ANAPC5: variants seen among roughly 807,000 people sequenced by gnomAD.
ANAPC5 encodes the protein anaphase-promoting complex subunit 5.
In ANAPC5, 60 loss-of-function variants were observed where a neutral mutation model predicts 91.3. The ratio of observed to expected loss-of-function variants is 0.66; its 90% CI spans 0.53 to 0.81. The LOEUF (loss-of-function observed/expected upper bound fraction) is 0.81. Among genes scored for constraint, ANAPC5 ranks in the 40% least tolerant of loss-of-function variants. The probability of loss-of-function intolerance (pLI) is 0.00; values close to 1 mark genes in which losing one functional copy is unlikely to be tolerated. For synonymous variants in ANAPC5, 340 were observed against 364.1 expected (o/e 0.93, Z 0.75); for missense variants, 690 against 931.5 (o/e 0.74, Z 3.37).
intron 6 of ANAPC5, 119 bp downstream of exon 6, chr12:121,337,172 C>G (rs1411488786): frequency 2.8e-6 from 2 of 723,322 alleles, no homozygotes; most frequent in Non-Finnish European, 4.7e-6. Context: ...GAGCCAAGGT[C>G]GTGCCACTGC....
At chr12:121,330,425 G>T (rs1259364771) in intron 9 of ANAPC5, among the ~76,000 whole-genome samples, 158 bp downstream of exon 9, 1 of 152,204 alleles carries the variant, frequency 6.6e-6, no homozygotes, top group African/African-American at 2.4e-5. Flanking sequence ...GAATTTAGTG[G>T]TCTGATTAAT....
rs183687286 is a variant in ANAPC5, at chr12:121,345,921, C to G, written c.508G>C (p.Val170Leu). 1.5e-5 allele frequency: 25 copies of G among 1,614,176 alleles called. No homozygotes were observed. The Middle Eastern group carries it at 4.9e-4, about 32-fold the overall frequency. The change falls in exon 4 of 17, where the codon GTG becomes CTG. Residue 170 changes from valine (V) to leucine (L), a missense_variant. Coordinates refer to ENST00000261819, the MANE Select transcript of ANAPC5 (RefSeq NM_016237.5). ...QYFQNGEKKT[V>L]EDADMELTSR... ...GTCAGTTCCATATCAGCATCCTCCA[C>G]TGTCTTTTTCTCACCATTCTGGAAG...
At chr12:121,316,335 A>G (rs546532494) in intron 15 of ANAPC5, among the ~76,000 whole-genome samples, 21 of 152,326 alleles carry the variant, frequency 1.4e-4, no homozygotes, top group African/African-American at 4.8e-4. Context: ...ACCCTCATAC[A>G]TTGCAGGTTG....
In ANAPC5 at chr12:121,327,132, G is replaced by A. The variant is rs114730469; in HGVS notation, c.1404C>T (p.Val468=). The A allele has an allele frequency of 7.3e-4, 1,180 of 1,611,310 alleles. No individual in the cohort carries two copies. Among genetic ancestry groups the A allele is most frequent in the Non-Finnish European group, 9.6e-4 (1,135 of 1,179,246 alleles). ...GTAGCTCTGCGAGGTGGCAGAGTGC[G>A]ACAGCAAAGGACTCTGTGTTGTTCT... is the stretch of plus-strand genomic sequence containing the variant. ...VQQNNTESFA[V]ALCHLAELHA... The change falls in exon 11 of 17, where the codon GTC becomes GTT. Residue 468 remains valine (V), a synonymous_variant. Coordinates refer to ENST00000261819, the MANE Select transcript of ANAPC5 (RefSeq NM_016237.5).
Position 121,336,682 on chromosome 12 carries a change from A to AAAAC in ANAPC5, c.759+605_759+608dup, listed in dbSNP as rs531759613. 2.4e-4 allele frequency among the ~76,000 whole-genome samples: 37 copies of AAAAC among 152,334 alleles called. No homozygotes were observed. In the South Asian group the frequency reaches 3.3e-3, roughly 14 times the overall value. ...GCAACAAGAGCGAAACTCAGTCTCCAAAACAAACAAACAAACACTGTTTTT... is the reference window on the plus strand; with the variant it reads ...GCAACAAGAGCGAAACTCAGTCTCCAAAACAAACAAACAAACAAACACTGTTTTT... On this transcript the variant is annotated intron_variant, in intron 6 of 16. Coordinates refer to ENST00000261819, the MANE Select transcript of ANAPC5 (RefSeq NM_016237.5).
chr12:121,340,183 T>A (rs1219026839), intron 5 of ANAPC5, among the ~76,000 whole-genome samples: 2 of 151,242 alleles, frequency 1.3e-5, no homozygotes, highest in African/African-American at 4.8e-5. Context: ...GCAGCTGTGG[T>A]GGCAGGCACC....
chr12:121,336,078 T>G (rs1443761810), intron 6 of ANAPC5, among the ~76,000 whole-genome samples: 1 of 152,190 alleles, frequency 6.6e-6, no homozygotes, highest in Non-Finnish European at 1.5e-5. Flanking sequence ...TCCTAAAACC[T>G]GAATTCATAT....
intron 4 of ANAPC5, among the ~76,000 whole-genome samples, chr12:121,344,613 T>C (rs933553055): frequency 2.7e-5 from 4 of 148,466 alleles, no homozygotes; most frequent in Non-Finnish European, 4.5e-5. Context: ...AAAAAGAAAG[T>C]ATTTGGGATA....
chr12:121,308,536 G>T lies in ANAPC5; in HGVS notation c.2212C>A (p.Arg738=), dbSNP rs758423114. 2.5e-6 allele frequency: 4 copies of T among 1,613,988 alleles called. No individual in the cohort carries two copies. The East Asian group carries it at 8.9e-5, about 36-fold the overall frequency. The change falls in exon 17 of 17, where the codon CGG becomes AGG. Residue 738 remains arginine, a synonymous_variant. Coordinates refer to ENST00000261819, the MANE Select transcript of ANAPC5 (RefSeq NM_016237.5). ...QERNRCAMLF[R]QLHQELPSHG... is the part of the protein sequence containing the mutation. ...GAGGGCAGCTCCTGATGCAGCTGCC[G>T]GAAGAGCATCGCACACCGGTTCCTC...
At chr12:121,341,938 T>A in intron 5 of ANAPC5, 65 bp downstream of exon 5, 1 of 1,303,456 alleles carries the variant, frequency 7.7e-7, no homozygotes, top group South Asian at 1.3e-5. Context: ...ACAACACACA[T>A]CACAGGACTA....
At chr12:121,324,577 C>T (rs942763446) in intron 11 of ANAPC5, among the ~76,000 whole-genome samples, 2 of 152,116 alleles carry the variant, frequency 1.3e-5, no homozygotes, top group African/African-American at 4.8e-5. Flanking sequence ...AACAAATGGC[C>T]TTGAACAAAG....
At chr12:121,323,718 C>T (rs75189734) in intron 11 of ANAPC5, among the ~76,000 whole-genome samples, 2,573 of 152,214 alleles carry the variant, frequency 0.017, 32 homozygotes, top group Non-Finnish European at 0.024. Flanking sequence ...TCTACATAGA[C>T]GCTCAGGCCA....
Position 121,336,230 on chromosome 12 carries a change from T to C in ANAPC5, c.760-507A>G, listed in dbSNP as rs112857720. On this transcript the variant is annotated intron_variant, in intron 6 of 16. Coordinates refer to ENST00000261819, the MANE Select transcript of ANAPC5 (RefSeq NM_016237.5). ...AGATCTCAGTTACTAGGAAGCAAAA[T>C]AGATATATTTCTGCACCCAAAGTCA... Among the ~76,000 whole-genome samples, 18 of 151,984 alleles carry C rather than the reference T, an allele frequency of 1.2e-4. 1 individual carries two copies. The highest frequency in any genetic ancestry group is 1.6e-4 in the Non-Finnish European group (11 of 67,970).
intron 2 of ANAPC5, chr12:121,347,389 C>T (rs1259549305): frequency 2.4e-5 from 6 of 248,792 alleles, no homozygotes; most frequent in Middle Eastern, 1.4e-3. Flanking sequence ...CAGCACTTTG[C>T]GAGGTGGAAG....
intron 7 of ANAPC5, chr12:121,332,156 T>A (rs1458491596): frequency 1.3e-5 from 2 of 152,192 alleles, no homozygotes; most frequent in African/African-American, 4.8e-5. Context: ...GGAGATAAAG[T>A]CTCACTGTGT....
chr12:121,341,259 C>T (rs950008890), intron 5 of ANAPC5, among the ~76,000 whole-genome samples: 1 of 152,128 alleles, frequency 6.6e-6, no homozygotes. Context: ...CACCTTAGAT[C>T]GAGAGTTCAA....
intron 11 of ANAPC5, chr12:121,320,660 T>A: frequency 5.3e-6 from 2 of 379,572 alleles, no homozygotes; most frequent in Non-Finnish European, 9.6e-6. Context: ...TGGAGTGCAG[T>A]GGCGCGATCT....
chr12:121,350,408 G>A (rs898115292), intron 1 of ANAPC5, among the ~76,000 whole-genome samples: 2 of 152,224 alleles, frequency 1.3e-5, no homozygotes, highest in Admixed American at 1.3e-4. Context: ...CGGGCCGGGC[G>A]CGGTGGCTCA....
At chr12:121,318,632 C>T in intron 13 of ANAPC5, 24 bp from the exon 14 acceptor site, 2 of 1,588,106 alleles carry the variant, frequency 1.3e-6, no homozygotes, top group Non-Finnish European at 1.7e-6. Flanking sequence ...AAAATGAACA[C>T]AAGTGTTTTA....
Sources: gnomAD v4.1 joint callset for allele counts (sites outside exome capture counted in the v4.1 genomes callset) on GRCh38, gnomAD v4.1.1 for gene constraint, MANE v1.5 for transcripts, NCBI Gene and HGNC (gene_info 2026-07-23, HGNC 2026-07-21) for gene names.